BCL7C: variants seen among roughly 807,000 people sequenced by gnomAD.
BCL7C encodes B-cell CLL/lymphoma 7 protein family member C.
BCL7C carries 8 observed loss-of-function variants against 26.2 expected under a neutral mutation model. The ratio of observed to expected loss-of-function variants is 0.30; its 90% CI spans 0.18 to 0.55. BCL7C has a LOEUF of 0.55. Among genes scored for constraint, BCL7C ranks in the 20% least tolerant of loss-of-function variants. The pLI is 0.93. For synonymous variants in BCL7C, 90 were observed against 116.5 expected, an observed-to-expected ratio of 0.77 and a Z score of 1.47; for missense variants, 262 against 298.5, an observed-to-expected ratio of 0.88 and a Z score of 0.90.
At chr16:30,852,363 A>G (rs2054682829) in intron 5 of BCL7C, 1 of 152,218 alleles carries the variant, frequency 6.6e-6, no homozygotes, top group African/African-American at 2.4e-5. Context: ...TGAGTCATTA[A>G]AAAAATAAAG....
chr16:30,840,218 T>G (rs1225815601), intron 5 of BCL7C, among the ~76,000 whole-genome samples: 2 of 147,724 alleles, frequency 1.4e-5, no homozygotes, highest in African/African-American at 5.0e-5. Flanking sequence ...CAAGTTGTTT[T>G]TTTTTTTTTT....
chr16:30,887,476 C>CAA (rs397854743), downstream of BCL7C, among the ~76,000 whole-genome samples: 37 of 75,524 alleles, frequency 4.9e-4, no homozygotes, highest in Non-Finnish European at 5.7e-4. Flanking sequence ...GTCTGTGTCT[C>CAA]AAAAAAAAAA....
chr16:30,851,722 A>G (rs953498442), intron 5 of BCL7C: 3 of 677,688 alleles, frequency 4.4e-6, no homozygotes, highest in Non-Finnish European at 5.0e-6. Flanking sequence ...GGATCAGACC[A>G]GCAGCAGACC....
At chr16:30,863,464 T>C (rs528505192) in intron 5 of BCL7C, among the ~76,000 whole-genome samples, 2 of 152,318 alleles carry the variant, frequency 1.3e-5, no homozygotes, top group East Asian at 1.9e-4. Flanking sequence ...CATTAATCTG[T>C]CTTTAATAAA....
At chr16:30,849,140 TTG>T (rs1258479147) in intron 5 of BCL7C, among the ~76,000 whole-genome samples, 2 of 151,634 alleles carry the variant, frequency 1.3e-5, no homozygotes, top group Non-Finnish European at 2.9e-5. Flanking sequence ...TGAGCCGAGA[TTG>T]AGCCACTGCA....
chr16:30,851,575 T>C, intron 5 of BCL7C: 1 of 356,166 alleles, frequency 2.8e-6, no homozygotes, highest in Non-Finnish European at 5.2e-6. Flanking sequence ...GATGTGTGGT[T>C]GTTGTCATGG....
intron 5 of BCL7C, among the ~76,000 whole-genome samples, chr16:30,856,486 C>T (rs973222436): frequency 2.1e-4 from 32 of 150,212 alleles, no homozygotes; most frequent in South Asian, 6.3e-4. Flanking sequence ...AAATTAGATT[C>T]CCCTCCTCCC....
rs200463487 is a variant in BCL7C, at chr16:30,887,832, C to T, written c.*33G>A. On this transcript the variant is annotated 3_prime_UTR_variant, in exon 6 of 6. Transcript: ENST00000215115. ...CTTTATTTGTAAAAAGCCAAAGGGG[C>T]CCCTGGGGCAACAGGACAGGCAGGC... 6.8e-5 allele frequency: 105 copies of T among 1,538,162 alleles called. 1 individual carries two copies. The Admixed American group carries it at 2.4e-3, about 36-fold the overall frequency.
chr16:30,875,618 A>C (rs1273290748), intron 5 of BCL7C: 1 of 152,224 alleles, frequency 6.6e-6, no homozygotes, highest in African/African-American at 2.4e-5. Context: ...CCGTGCCCTC[A>C]CCAGATCTTA....
At chr16:30,848,163 T>A (rs1023948426) in intron 5 of BCL7C, among the ~76,000 whole-genome samples, 2 of 152,176 alleles carry the variant, frequency 1.3e-5, no homozygotes, top group African/African-American at 4.8e-5. Context: ...AGATGCCAGA[T>A]CTTTCCTGGT....
chr16:30,883,907 C>T (rs921624782), downstream of BCL7C, among the ~76,000 whole-genome samples: 5 of 148,732 alleles, frequency 3.4e-5, no homozygotes, highest in Non-Finnish European at 7.4e-5. Context: ...GGGCGGATCA[C>T]GAGATCAGGA....
chr16:30,887,771 A>T (rs1769898074), downstream of BCL7C: 7 of 1,491,044 alleles, frequency 4.7e-6, no homozygotes, highest in Non-Finnish European at 6.2e-6. Context: ...CCCAGCCCTG[A>T]CGGGGAAATG....
intron 5 of BCL7C, among the ~76,000 whole-genome samples, chr16:30,849,564 G>A (rs1280328676): frequency 6.6e-6 from 1 of 151,980 alleles, no homozygotes; most frequent in Non-Finnish European, 1.5e-5. Flanking sequence ...CATTTCCTGT[G>A]CCTCAGCCTC....
intron 5 of BCL7C, among the ~76,000 whole-genome samples, chr16:30,850,990 A>C (rs931996881): frequency 6.6e-6 from 1 of 152,232 alleles, no homozygotes; most frequent in African/African-American, 2.4e-5. Flanking sequence ...CCAGGCTCAA[A>C]CACATATTTA....
chr16:30,863,411 T>C (rs1453109444), intron 5 of BCL7C, among the ~76,000 whole-genome samples: 1 of 152,188 alleles, frequency 6.6e-6, no homozygotes, highest in African/African-American at 2.4e-5. Flanking sequence ...CATGCTGTTA[T>C]ATGGGCTGAA....
intron 5 of BCL7C, among the ~76,000 whole-genome samples, chr16:30,858,147 G>C (rs2054740239): frequency 6.6e-6 from 1 of 152,176 alleles, no homozygotes. Context: ...CCATTGCAGA[G>C]TATTTCTCTC....
chr16:30,865,727 CTTT>C (rs11333293), intron 5 of BCL7C, among the ~76,000 whole-genome samples: 8 of 66,708 alleles, frequency 1.2e-4, no homozygotes, highest in Non-Finnish European at 2.1e-4. Context: ...CTTTTTTTTT[CTTT>C]TTTTTTTTTT....
rs1287496820 is a variant in BCL7C at position 30,891,354 on chromosome 16, C to G, written c.442+1232G>C. ...GTTCATGCCTATATTCCCAGCTACCCAGGAGGCTGAGGCAGGAGAATTGCC... is the reference window on the plus strand; with the variant it reads ...GTTCATGCCTATATTCCCAGCTACCGAGGAGGCTGAGGCAGGAGAATTGCC... On this transcript the variant is annotated intron_variant, in intron 4 of 5. Coordinates refer to ENST00000215115, the MANE Select transcript of BCL7C (RefSeq NM_004765.4). Among the ~76,000 whole-genome samples, 9 of 151,732 alleles carry G rather than the reference C, an allele frequency of 5.9e-5. No individual in the cohort carries two copies. The South Asian group carries it at 1.0e-3, about 18-fold the overall frequency.
intron 5 of BCL7C, among the ~76,000 whole-genome samples, chr16:30,866,344 AGGTG>A (rs2054828151): frequency 6.6e-6 from 1 of 152,172 alleles, no homozygotes; most frequent in Admixed American, 6.5e-5. Context: ...TGGTAGACTG[AGGTG>A]GGTGGATCAC....
Sources: gnomAD v4.1 joint callset for allele counts (sites outside exome capture counted in the v4.1 genomes callset) on GRCh38, gnomAD v4.1.1 for gene constraint, MANE v1.5 for transcripts, NCBI Gene and HGNC (gene_info 2026-07-23, HGNC 2026-07-21) for gene names.